PDE1A: variants seen among roughly 807,000 people sequenced by gnomAD.
PDE1A encodes the protein phosphodiesterase 1A, also known as dual specificity calcium/calmodulin-dependent 3',5'-cyclic nucleotide phosphodiesterase 1A.
A neutral mutation model predicts 61.7 loss-of-function variants in PDE1A; 35 were observed. The ratio of observed to expected loss-of-function variants is 0.57; its 90% CI spans 0.43 to 0.75. The LOEUF (loss-of-function observed/expected upper bound fraction) is 0.75. Ranked by LOEUF, PDE1A falls within the 30% of genes least tolerant of loss-of-function variation. The probability of loss-of-function intolerance (pLI) is 0.00; values close to 1 mark genes in which losing one functional copy is unlikely to be tolerated. For missense variants in PDE1A, 597 were observed against 630.6 expected, an observed-to-expected ratio of 0.95 and a Z score of 0.57; for synonymous variants, 232 against 213.2, an observed-to-expected ratio of 1.09 and a Z score of -0.77.
At chr2:182,589,191 A>T in the PDE1A span, among the ~76,000 whole-genome samples, 1 of 149,770 alleles carries the variant, frequency 6.7e-6, no homozygotes, top group African/African-American at 2.4e-5. Context: ...GAAGAAGGGA[A>T]GAAGGAAAGG....
chr2:182,508,885 G>A (rs552439802), intron 2 of PDE1A, among the ~76,000 whole-genome samples: 4 of 149,160 alleles, frequency 2.7e-5, no homozygotes, highest in South Asian at 4.2e-4. Context: ...ACGTATACAT[G>A]TGCCATGCTG....
chr2:182,248,383 T>G (rs1052928139), intron 2 of PDE1A, among the ~76,000 whole-genome samples: 6 of 145,362 alleles, frequency 4.1e-5, no homozygotes, highest in Admixed American at 1.4e-4. Flanking sequence ...TTTGATACTT[T>G]AGTTTTTGTC....
the PDE1A span, among the ~76,000 whole-genome samples, chr2:182,602,168 A>G: frequency 0.59 from 90,113 of 152,144 alleles, 28,030 homozygotes; most frequent in African/African-American, 0.77. Context: ...GAGCCTATGA[A>G]GGCAGGGGGG....
chr2:182,225,023 T>C (rs1689029934), intron 6 of PDE1A, among the ~76,000 whole-genome samples: 1 of 151,936 alleles, frequency 6.6e-6, no homozygotes, highest in Non-Finnish European at 1.5e-5. Flanking sequence ...AAAGAGATCA[T>C]GTAAACTATG....
the PDE1A span, among the ~76,000 whole-genome samples, chr2:182,672,578 G>C: frequency 6.6e-6 from 1 of 152,218 alleles, no homozygotes; most frequent in African/African-American, 2.4e-5. Context: ...TGAGAGCAGT[G>C]TGTTTTGTTT....
chr2:182,637,912 ACT>A, the PDE1A span, among the ~76,000 whole-genome samples: 2 of 152,118 alleles, frequency 1.3e-5, no homozygotes, highest in Non-Finnish European at 2.9e-5. Flanking sequence ...ACAGAGCGAG[ACT>A]CTGTCTCAAA....
chr2:182,322,195 T>G (rs1027004813), intron 1 of PDE1A, among the ~76,000 whole-genome samples: 7 of 152,186 alleles, frequency 4.6e-5, no homozygotes, highest in Non-Finnish European at 1.0e-4. Flanking sequence ...CAATATTGTA[T>G]GAAAATTTCT....
intron 1 of PDE1A, among the ~76,000 whole-genome samples, chr2:182,402,480 A>C (rs1388548378): frequency 6.6e-6 from 1 of 152,238 alleles, no homozygotes; most frequent in Non-Finnish European, 1.5e-5. Context: ...ATATGTAGAA[A>C]ACTGAAACTG....
intron 13 of PDE1A, among the ~76,000 whole-genome samples, chr2:182,155,112 G>T (rs1365583243): frequency 1.4e-5 from 2 of 145,122 alleles, no homozygotes; most frequent in African/African-American, 2.6e-5. Context: ...TTAAGAGAGG[G>T]TCCCACTCTG....
At chr2:182,305,909 C>T (rs544748535) in intron 1 of PDE1A, among the ~76,000 whole-genome samples, 2 of 152,098 alleles carry the variant, frequency 1.3e-5, no homozygotes, top group African/African-American at 2.4e-5. Context: ...AATTTACTCT[C>T]TTAGCAATTT....
the PDE1A span, among the ~76,000 whole-genome samples, chr2:182,668,422 G>A: frequency 6.6e-6 from 1 of 151,784 alleles, no homozygotes; most frequent in Admixed American, 6.6e-5. Flanking sequence ...CTTCAGTGGA[G>A]ACTAGCATGA....
At chr2:182,277,825 C>T (rs185301290) in intron 1 of PDE1A, among the ~76,000 whole-genome samples, 48 of 152,012 alleles carry the variant, frequency 3.2e-4, no homozygotes, top group African/African-American at 1.1e-3. Flanking sequence ...AATTAAACTG[C>T]CCTGTGGAAA....
At chr2:182,218,443 A>G (rs1688427378) in intron 7 of PDE1A, among the ~76,000 whole-genome samples, 1 of 152,114 alleles carries the variant, frequency 6.6e-6, no homozygotes, top group South Asian at 2.1e-4. Flanking sequence ...AACAAGAAAA[A>G]AAAGAATACA....
downstream of PDE1A, among the ~76,000 whole-genome samples, chr2:182,145,762 T>C (rs1690463023): frequency 6.6e-6 from 1 of 152,010 alleles, no homozygotes; most frequent in Non-Finnish European, 1.5e-5. Context: ...AAAAAGGTAC[T>C]TCATATACAA....
intron 1 of PDE1A, among the ~76,000 whole-genome samples, chr2:182,385,835 C>G (rs932635947): frequency 5.7e-5 from 7 of 123,854 alleles, no homozygotes; most frequent in African/African-American, 1.8e-4. Context: ...CTCTCCCTCT[C>G]CCTCCTCTCC....
At chr2:182,201,043 T>C (rs1191385702) in intron 10 of PDE1A, among the ~76,000 whole-genome samples, 1 of 152,172 alleles carries the variant, frequency 6.6e-6, no homozygotes, top group Non-Finnish European at 1.5e-5. Context: ...GCTAAAGCAA[T>C]ATTTCTTGGC....
chr2:182,349,330 T>G (rs1412712858), intron 1 of PDE1A, among the ~76,000 whole-genome samples: 1 of 152,224 alleles, frequency 6.6e-6, no homozygotes, highest in Admixed American at 6.5e-5. Flanking sequence ...AATCAAATAC[T>G]GGCCTCCAAC....
chr2:182,362,144 C>T (rs58663992), intron 1 of PDE1A, among the ~76,000 whole-genome samples: 24,171 of 151,978 alleles, frequency 0.16, 2,381 homozygotes, highest in Middle Eastern at 0.34. Flanking sequence ...CTGGTACTTT[C>T]TTCATAATAA....
At chr2:182,482,479 GA>G (rs973345729) in intron 2 of PDE1A, among the ~76,000 whole-genome samples, 2 of 151,768 alleles carry the variant, frequency 1.3e-5, no homozygotes, top group African/African-American at 4.8e-5. Context: ...TTCTGACCAT[GA>G]AGGAGTAAAA....
Sources: gnomAD v4.1 joint callset for allele counts (sites outside exome capture counted in the v4.1 genomes callset) on GRCh38, gnomAD v4.1.1 for gene constraint, MANE v1.5 for transcripts, NCBI Gene and HGNC (gene_info 2026-07-23, HGNC 2026-07-21) for gene names.